The following ICAM2 variants were observed in gnomAD, a reference collection of about 807,000 sequenced individuals.
The protein encoded by ICAM2 is intercellular adhesion molecule 2.
A neutral mutation model predicts 19.1 loss-of-function variants in ICAM2; 14 were observed. That is an observed-to-expected ratio of 0.73 (90% CI 0.48 to 1.15). ICAM2 has a LOEUF of 1.15. ICAM2 is among the 50% of genes most tolerant of loss of function. The probability of loss-of-function intolerance (pLI) is 0.00; values close to 1 mark genes in which losing one functional copy is unlikely to be tolerated. For missense variants in ICAM2, 311 were observed against 355.4 expected (o/e 0.88, Z 1.00); for synonymous variants, 153 against 152.7 (o/e 1.00, Z -0.01).
intron 1 of ICAM2, among the ~76,000 whole-genome samples, chr17:64,010,740 A>C (rs1217967406): frequency 6.6e-6 from 1 of 152,212 alleles, no homozygotes; most frequent in Non-Finnish European, 1.5e-5. Flanking sequence ...ATGGCAAATG[A>C]GTACACAACT....
At chr17:64,005,417 C>T (rs780572169) in intron 2 of ICAM2, 44 bp from the exon 3 acceptor site, 1 of 1,590,984 alleles carries the variant, frequency 6.3e-7, no homozygotes, top group Admixed American at 1.7e-5. Flanking sequence ...TCCCCCCACC[C>T]CCTGCCCTCC....
At position 64,002,752 on chromosome 17, in the gene ICAM2, G is replaced by T; in HGVS notation, c.823C>A (p.Pro275Thr). Reference protein sequence around the residue: ...AWRRLPQAFRP With the variant: ...AWRRLPQAFRT ...GGCCATGCCACTCATGGTTGCTATG[G>T]CCGGAAGGCCTGGGGCAGCCTCCTC... The change falls in exon 5 of 5, where the codon CCA becomes ACA. Residue 275 changes from proline (P) to threonine (T), a missense_variant. Transcript: ENST00000579788. 6.2e-7 allele frequency: 1 copy of T among 1,611,066 alleles called. No homozygotes were observed. Among genetic ancestry groups the T allele is most frequent in the Non-Finnish European group, 8.5e-7 (1 of 1,179,614 alleles).
At position 64,019,135 on chromosome 17, in the gene ICAM2, G is replaced by C. The variant is rs8074427; in HGVS notation, c.-45+1388C>G. Among the ~76,000 whole-genome samples, 1,021 of 152,254 alleles carry C rather than the reference G, an allele frequency of 6.7e-3. 13 individuals are homozygous for C. The highest frequency in any genetic ancestry group is 0.023 in the African/African-American group (955 of 41,556). On this transcript the variant is annotated intron_variant, in intron 1 of 4. Transcript: ENST00000579788. ...ATCTTCCTCATAGGGTTTTTGTGCA[G>C]ATTAAACAAATAAAATAAGTAAATA...
intron 4 of ICAM2, 97 bp downstream of exon 4, chr17:64,003,546 TG>T: frequency 9.1e-7 from 1 of 1,097,110 alleles, no homozygotes. Flanking sequence ...GGTGGGCTCC[TG>T]GGTGTTTGCT....
Position 64,003,757 on chromosome 17 carries a change from G to C in ICAM2, c.536C>G (p.Ala179Gly). The change falls in exon 4 of 5, where the codon GCT becomes GGT. Residue 179 changes from alanine to glycine, a missense_variant. Coordinates refer to ENST00000579788, the MANE Select transcript of ICAM2 (RefSeq NM_001099789.2). ...QEATATFNST[A>G]DREDGHRNFS... ...GTTGCGGTGGCCATCCTCTCTGTCA[G>C]CCGTGCTGTTGAATGTGGCTGTGGC... 6.2e-7 allele frequency: 1 copy of C among 1,614,228 alleles called. No homozygotes were observed. Among genetic ancestry groups the C allele is most frequent in the Non-Finnish European group, 8.5e-7 (1 of 1,180,042 alleles).
chr17:64,005,498 C>T lies in ICAM2; in HGVS notation c.62-125G>A, dbSNP rs561404406. ...GAAGAGGAAAGGTCATTGGGGACCCCGCTGCTACTTTCCCCTTGTCAGGTG... is the reference window on the plus strand; with the variant it reads ...GAAGAGGAAAGGTCATTGGGGACCCTGCTGCTACTTTCCCCTTGTCAGGTG... On this transcript the variant is annotated intron_variant, in intron 2 of 4. Transcript: ENST00000579788. The T allele has an allele frequency of 7.3e-5, 77 of 1,059,206 alleles. No individual in the cohort carries two copies. In the East Asian group the frequency reaches 7.8e-4, roughly 11 times the overall value. 65.6% of individuals were successfully genotyped at this position (1,059,206 alleles called of 1,614,324 possible).
At chr17:64,004,811 C>T in intron 3 of ICAM2, 1 of 497,258 alleles carries the variant, frequency 2.0e-6, no homozygotes, top group Non-Finnish European at 3.7e-6. Context: ...ACATGGGGTG[C>T]TCTGGTGACT....
At chr17:64,008,880 C>A (rs186856404) in intron 1 of ICAM2, among the ~76,000 whole-genome samples, 27 of 152,282 alleles carry the variant, frequency 1.8e-4, no homozygotes, top group Admixed American at 2.6e-4. Flanking sequence ...GCAGGGCCAG[C>A]CTGATTCCCT....
Position 64,002,755 on chromosome 17 carries a change from G to T in ICAM2, c.820C>A (p.Arg274=), listed in dbSNP as rs371349852. The T allele has an allele frequency of 6.2e-7, 1 of 1,611,346 alleles. No homozygotes were observed. Reference sequence around the variant, plus strand: ...CATGCCACTCATGGTTGCTATGGCCGGAAGGCCTGGGGCAGCCTCCTCCAA... The same window carrying T: ...CATGCCACTCATGGTTGCTATGGCCTGAAGGCCTGGGGCAGCCTCCTCCAA... The part of the protein sequence containing the change: ...AAWRRLPQAF[R]P The change falls in exon 5 of 5, where the codon CGG becomes AGG. Residue 274 remains arginine (R), a synonymous_variant. Transcript: ENST00000579788.
At chr17:64,008,511 C>T (rs1183516166) in intron 1 of ICAM2, among the ~76,000 whole-genome samples, 1 of 152,144 alleles carries the variant, frequency 6.6e-6, no homozygotes, top group Non-Finnish European at 1.5e-5. Flanking sequence ...CAATTAATCC[C>T]CTAACTCTCT....
chr17:64,014,722 G>GAAGAAAGAAAGAAAGA (rs1161852684), intron 1 of ICAM2, among the ~76,000 whole-genome samples: 7 of 16,010 alleles, frequency 4.4e-4, no homozygotes, highest in African/African-American at 4.7e-4. Flanking sequence ...AGGAAGGAAG[G>GAAGAAAGAAAGAAAGA]AAGAAAGAAA....
chr17:64,004,720 C>T (rs1485424761), intron 3 of ICAM2: 2 of 322,570 alleles, frequency 6.2e-6, no homozygotes, highest in African/African-American at 4.2e-5. Context: ...AAGATAAAAA[C>T]CCTGGGCGAC....
chr17:64,003,004 C>G lies in ICAM2; in HGVS notation c.650-79G>C, dbSNP rs1021734177. ...GACCAAAAGGGAGTGGAAGTCCACCCCCAACCCAGACCCCCAGACCCCGCC... is the reference window on the plus strand; with the variant it reads ...GACCAAAAGGGAGTGGAAGTCCACCGCCAACCCAGACCCCCAGACCCCGCC... On this transcript the variant is annotated intron_variant, in intron 4 of 4. Transcript: ENST00000579788. 28 of 1,403,278 alleles carry G rather than the reference C, an allele frequency of 2.0e-5. No individual in the cohort carries two copies. In the African/African-American group the frequency reaches 2.7e-4, roughly 13 times the overall value. The allele number at this position is 1,403,278 out of a possible 1,614,324, so 86.9% of individuals were successfully genotyped here. A position where few individuals can be genotyped will look rare whatever the true frequency, so the allele number is the denominator to read the frequency against.
intron 1 of ICAM2, among the ~76,000 whole-genome samples, chr17:64,018,220 G>A (rs949839787): frequency 4.0e-5 from 6 of 150,808 alleles, no homozygotes; most frequent in African/African-American, 1.5e-4. Context: ...TGTAGTCCCA[G>A]CTACTCGGGA....
chr17:64,019,645 C>A (rs1911863585), intron 1 of ICAM2, among the ~76,000 whole-genome samples: 1 of 151,826 alleles, frequency 6.6e-6, no homozygotes, highest in Admixed American at 6.6e-5. Context: ...GAAACCCTGT[C>A]GCTACCAAAA....
At position 64,003,637 on chromosome 17, in the gene ICAM2, C is replaced by T. The variant is rs753317324; in HGVS notation, c.649+7G>A. The T allele has an allele frequency of 2.5e-6, 4 of 1,608,976 alleles. No homozygotes were observed. The highest frequency in any genetic ancestry group is 3.4e-6 in the Non-Finnish European group (4 of 1,176,840). On this transcript the variant is annotated splice_region_variant and intron_variant, in intron 4 of 4. Transcript: ENST00000579788. Reference sequence around the variant, plus strand: ...ACTCCCAACTCCATCCACGGATCCCCCCTCACCATAGATCTCCAACATCTT... The same window carrying T: ...ACTCCCAACTCCATCCACGGATCCCTCCTCACCATAGATCTCCAACATCTT...
chr17:64,017,847 C>A, intron 1 of ICAM2, among the ~76,000 whole-genome samples: 1 of 152,042 alleles, frequency 6.6e-6, no homozygotes, highest in African/African-American at 2.4e-5. Context: ...GACACAGGAT[C>A]AATTGATTAA....
chr17:64,015,851 C>T (rs1911700975), intron 1 of ICAM2, among the ~76,000 whole-genome samples: 1 of 136,544 alleles, frequency 7.3e-6, no homozygotes. Flanking sequence ...AAGGGTAACT[C>T]TTTAAAAAAA....
chr17:64,011,027 A>C (rs75163181), intron 1 of ICAM2, among the ~76,000 whole-genome samples: 2,579 of 152,254 alleles, frequency 0.017, 34 homozygotes, highest in Non-Finnish European at 0.026. Flanking sequence ...AGAAAAAAAA[A>C]CACAATTTTA....
Sources: gnomAD v4.1 joint callset for allele counts (sites outside exome capture counted in the v4.1 genomes callset) on GRCh38, gnomAD v4.1.1 for gene constraint, MANE v1.5 for transcripts, NCBI Gene and HGNC (gene_info 2026-07-23, HGNC 2026-07-21) for gene names.